The following CADM2 variants were observed in gnomAD, a reference collection of about 807,000 sequenced individuals.
CADM2 encodes the protein cell adhesion molecule 2, also known as immunoglobulin superfamily member 4D.
CADM2 carries 12 observed loss-of-function variants against 49.8 expected under a neutral mutation model. That is an observed-to-expected ratio of 0.24 (90% confidence interval 0.15 to 0.39). The LOEUF is 0.39. CADM2 is among the 10% of genes least tolerant of loss of function. The probability of loss-of-function intolerance (pLI) is 1.00; values close to 1 mark genes in which losing one functional copy is unlikely to be tolerated. For synonymous variants in CADM2, 214 were observed against 175.4 expected (o/e 1.22, Z -1.74); for missense variants, 378 against 492.3 (o/e 0.77, Z 2.20).
At chr3:85,621,336 A>G (rs2063971262) in intron 1 of CADM2, among the ~76,000 whole-genome samples, 1 of 152,178 alleles carries the variant, frequency 6.6e-6, no homozygotes, top group Admixed American at 6.6e-5. Flanking sequence ...TTTTAAATAA[A>G]AGACAATAAT....
chr3:85,370,377 G>A (rs1225354225), intron 1 of CADM2, among the ~76,000 whole-genome samples: 2 of 151,606 alleles, frequency 1.3e-5, no homozygotes, highest in East Asian at 3.9e-4. Flanking sequence ...AGCCAAGATC[G>A]CGCCACTGCA....
At chr3:85,682,694 T>G (rs1400041388) in intron 1 of CADM2, among the ~76,000 whole-genome samples, 1 of 152,098 alleles carries the variant, frequency 6.6e-6, no homozygotes, top group Non-Finnish European at 1.5e-5. Context: ...TTTTAATAGT[T>G]TCTGAAATGT....
intron 1 of CADM2, among the ~76,000 whole-genome samples, chr3:85,389,464 G>C (rs1339415804): frequency 1.3e-5 from 2 of 151,996 alleles, no homozygotes. Flanking sequence ...TAATGAGCTA[G>C]CTAATTTATT....
chr3:85,755,825 A>G (rs1247008190), intron 2 of CADM2, among the ~76,000 whole-genome samples: 1 of 152,172 alleles, frequency 6.6e-6, no homozygotes. Flanking sequence ...CTCCAACACC[A>G]GGGATTATAA....
Position 86,067,910 on chromosome 3 carries a change from G to A in CADM2, c.*1127G>A, listed in dbSNP as rs975344146. 1 of 152,348 alleles carries A rather than the reference G, an allele frequency of 6.6e-6. No individual in the cohort carries two copies. The highest frequency in any genetic ancestry group is 1.5e-5 in the Non-Finnish European group (1 of 67,876). The allele number at this position is 152,348 out of a possible 1,614,324, so 9.4% of individuals were successfully genotyped here. On this transcript the variant is annotated 3_prime_UTR_variant, in exon 10 of 10. Transcript: ENST00000383699. The stretch of plus-strand genomic sequence containing the variant: ...ATACAATGGAAGCACAATGTTATAA[G>A]GAAAGGTAATTTTAAGCTAACAACC...
intron 1 of CADM2, among the ~76,000 whole-genome samples, chr3:85,619,109 G>T (rs1194577858): frequency 6.6e-6 from 1 of 152,022 alleles, no homozygotes; most frequent in Admixed American, 6.6e-5. Flanking sequence ...GGAGTTACTT[G>T]CAGAGAACAG....
At chr3:85,888,288 C>T (rs1028727325) in intron 5 of CADM2, among the ~76,000 whole-genome samples, 17 of 152,132 alleles carry the variant, frequency 1.1e-4, no homozygotes, top group African/African-American at 2.7e-4. Flanking sequence ...TATACTCAGA[C>T]ATTTATAAAG....
intron 1 of CADM2, among the ~76,000 whole-genome samples, chr3:85,413,164 T>TAAAAAAAAAAAAAAAAA (rs1164449868): frequency 1.3e-5 from 1 of 76,828 alleles, no homozygotes; most frequent in African/African-American, 5.4e-5. Context: ...AAAAAAAAAA[T>TAAAAAAAAAAAAAAAAA]AATAATAATA....
At chr3:85,803,990 G>T (rs887438203) in intron 3 of CADM2, among the ~76,000 whole-genome samples, 1 of 152,042 alleles carries the variant, frequency 6.6e-6, no homozygotes, top group Non-Finnish European at 1.5e-5. Flanking sequence ...TTTAGAAAGA[G>T]ATTTAATTTG....
chr3:85,018,616 A>G (rs370622891), intron 1 of CADM2, among the ~76,000 whole-genome samples: 2 of 152,100 alleles, frequency 1.3e-5, no homozygotes, highest in African/African-American at 2.4e-5. Context: ...CGGCCTCCCA[A>G]GTGAGTTTAT....
intron 1 of CADM2, among the ~76,000 whole-genome samples, chr3:85,132,291 G>A (rs1262879576): frequency 2.6e-5 from 4 of 152,116 alleles, no homozygotes; most frequent in African/African-American, 9.7e-5. Flanking sequence ...AAAGAACCCC[G>A]TGACTACCTA....
rs1412404880 is a variant in CADM2, at chr3:85,618,733, A to C, written c.62-107789A>C. ...ACTATTAATTCTATGTTTTGTATGT[A>C]TAATTTATTTTTATTTTTTATCATA... is the stretch of plus-strand genomic sequence containing the variant. On this transcript the variant is annotated intron_variant, in intron 1 of 9. Transcript: ENST00000383699. Among the ~76,000 whole-genome samples the C allele has an allele frequency of 4.6e-5, 7 of 152,230 alleles. No individual in the cohort carries two copies. In the South Asian group the frequency reaches 6.2e-4, roughly 14 times the overall value.
intron 1 of CADM2, among the ~76,000 whole-genome samples, chr3:85,337,108 A>G (rs908526587): frequency 6.8e-6 from 1 of 147,392 alleles, no homozygotes; most frequent in Non-Finnish European, 1.5e-5. Flanking sequence ...TTGGCCTTCC[A>G]TCTGCCATCT....
chr3:85,285,800 T>G (rs1358640197), intron 1 of CADM2, among the ~76,000 whole-genome samples: 1 of 151,386 alleles, frequency 6.6e-6, no homozygotes, highest in East Asian at 1.9e-4. Context: ...TCTAATATAT[T>G]TCTAAAATAT....
At chr3:85,033,701 T>C (rs1202728417) in intron 1 of CADM2, among the ~76,000 whole-genome samples, 20 of 152,188 alleles carry the variant, frequency 1.3e-4, no homozygotes, top group Non-Finnish European at 2.8e-4. Flanking sequence ...TTTGAGGTTT[T>C]ATGAAAGTGT....
chr3:86,030,789 A>G (rs1734470265), intron 8 of CADM2, among the ~76,000 whole-genome samples: 1 of 151,956 alleles, frequency 6.6e-6, no homozygotes, highest in Non-Finnish European at 1.5e-5. Flanking sequence ...AAATAAAGAA[A>G]GGCATAGAAT....
At chr3:85,704,803 A>C (rs192665828) in intron 1 of CADM2, among the ~76,000 whole-genome samples, 4 of 151,988 alleles carry the variant, frequency 2.6e-5, no homozygotes, top group Admixed American at 1.3e-4. Flanking sequence ...AATCTCCTCC[A>C]GAATATATTG....
At chr3:85,506,169 G>A (rs1383828943) in intron 1 of CADM2, among the ~76,000 whole-genome samples, 1 of 152,162 alleles carries the variant, frequency 6.6e-6, no homozygotes. Context: ...TGTGCATCAG[G>A]TAAATTGTGG....
intron 1 of CADM2, among the ~76,000 whole-genome samples, chr3:85,476,883 T>C (rs2038996391): frequency 7.1e-6 from 1 of 140,732 alleles, no homozygotes; most frequent in Non-Finnish European, 1.5e-5. Context: ...ATATAGTTAA[T>C]AGCAAAGATT....
Sources: allele counts gnomAD v4.1 joint callset (sites outside exome capture counted in the v4.1 genomes callset), GRCh38; gene constraint gnomAD v4.1.1; transcripts MANE v1.5; gene names NCBI Gene and HGNC (gene_info 2026-07-23, HGNC 2026-07-21).